The following CSGALNACT1 variants were observed in gnomAD, a reference collection of about 807,000 sequenced individuals.
CSGALNACT1 encodes chondroitin sulfate N-acetylgalactosaminyltransferase 1.
A neutral mutation model predicts 51.0 loss-of-function variants in CSGALNACT1; 52 were observed. That is an observed-to-expected ratio of 1.02 (90% confidence interval 0.82 to 1.29). CSGALNACT1 has a LOEUF of 1.29. CSGALNACT1 is among the 50% of genes most tolerant of loss of function. The pLI is 0.00. For missense variants in CSGALNACT1, 935 were observed against 679.2 expected (o/e 1.38, Z -4.19); for synonymous variants, 341 against 254.4 (o/e 1.34, Z -3.24).
At chr8:19,612,695 G>C (rs1185729305) in intron 1 of CSGALNACT1, among the ~76,000 whole-genome samples, 1 of 151,948 alleles carries the variant, frequency 6.6e-6, no homozygotes, top group African/African-American at 2.4e-5. Flanking sequence ...CATCTGAGAT[G>C]ATCCAAAGTC....
chr8:19,434,503 C>T (rs921063927), intron 6 of CSGALNACT1, among the ~76,000 whole-genome samples: 4 of 152,174 alleles, frequency 2.6e-5, no homozygotes, highest in African/African-American at 9.7e-5. Flanking sequence ...GCAAGATACT[C>T]TCCTGGTTCA....
At chr8:19,744,762 G>A (rs528492696) in intron 1 of CSGALNACT1, among the ~76,000 whole-genome samples, 100 of 152,226 alleles carry the variant, frequency 6.6e-4, no homozygotes, top group African/African-American at 2.3e-3. Context: ...GTCTATTCAC[G>A]AACACAGTTT....
At chr8:19,628,333 G>A (rs1337503077) in intron 1 of CSGALNACT1, among the ~76,000 whole-genome samples, 1 of 152,168 alleles carries the variant, frequency 6.6e-6, no homozygotes, top group Non-Finnish European at 1.5e-5. Context: ...AGGCTCAAGG[G>A]AAACTGCCAC....
chr8:19,407,202 C>A (rs893885659), intron 9 of CSGALNACT1, among the ~76,000 whole-genome samples: 2 of 151,130 alleles, frequency 1.3e-5, no homozygotes, highest in African/African-American at 4.9e-5. Context: ...TTTTTTAAAT[C>A]TTTAACCTGG....
Position 19,513,436 on chromosome 8 carries a change from C to CTCTCTCTCTATA in CSGALNACT1, c.-296-7307_-296-7306insTATAGAGAGAGA. On this transcript the variant is annotated intron_variant, in intron 3 of 9. Coordinates refer to ENST00000454498, the Ensembl canonical transcript of CSGALNACT1. Reference sequence around the variant, plus strand: ...TCTCACTCTCTCTCTCTCTCTCTCTCTATATATATATATATATATATATAT... The same window carrying CTCTCTCTCTATA: ...TCTCACTCTCTCTCTCTCTCTCTCTCTCTCTCTCTATATATATATATATATATATATATATAT... Among the ~76,000 whole-genome samples the CTCTCTCTCTATA allele has an allele frequency of 7.1e-3, 585 of 81,878 alleles. 7 individuals are homozygous for CTCTCTCTCTATA. The highest frequency in any genetic ancestry group is 0.012 in the East Asian group (15 of 1,266). The allele number at this position is 81,878 out of a possible 152,430, so 53.7% of individuals were successfully genotyped here.
At chr8:19,697,253 C>A (rs2061632004) in intron 1 of CSGALNACT1, among the ~76,000 whole-genome samples, 1 of 151,972 alleles carries the variant, frequency 6.6e-6, no homozygotes, top group African/African-American at 2.4e-5. Flanking sequence ...GAGGCAAGCA[C>A]TTGGGAGCCA....
At chr8:19,425,310 T>C (rs2058606434) in intron 6 of CSGALNACT1, among the ~76,000 whole-genome samples, 1 of 152,196 alleles carries the variant, frequency 6.6e-6, no homozygotes. Flanking sequence ...CATTGTGCTC[T>C]AACTTGGGCA....
At chr8:19,704,152 T>C (rs2062030731) in intron 1 of CSGALNACT1, among the ~76,000 whole-genome samples, 1 of 152,220 alleles carries the variant, frequency 6.6e-6, no homozygotes, top group African/African-American at 2.4e-5. Flanking sequence ...CTTATTCTCT[T>C]CTCTCCCTCC....
At chr8:19,505,075 C>T (rs1278224540) in intron 4 of CSGALNACT1, 126 bp downstream of exon 3, 6 of 976,994 alleles carry the variant, frequency 6.1e-6, no homozygotes, top group Admixed American at 5.3e-5. Flanking sequence ...TGGTGTCACA[C>T]ACATAAAACT....
chr8:19,554,473 T>G (rs1008798906), intron 3 of CSGALNACT1, among the ~76,000 whole-genome samples: 5 of 85,392 alleles, frequency 5.9e-5, no homozygotes, highest in African/African-American at 2.6e-4. Context: ...TGAAGGAAGA[T>G]ATAAAATAGA....
intron 6 of CSGALNACT1, among the ~76,000 whole-genome samples, chr8:19,436,015 C>T (rs903096254): frequency 6.6e-6 from 1 of 152,140 alleles, no homozygotes; most frequent in African/African-American, 2.4e-5. Flanking sequence ...GCCACAAAAT[C>T]GATTTCACAA....
chr8:19,453,981 T>G (rs149060984), intron 5 of CSGALNACT1, among the ~76,000 whole-genome samples: 30 of 152,162 alleles, frequency 2.0e-4, no homozygotes, highest in African/African-American at 5.3e-4. Context: ...ATATCCTGAT[T>G]AAGTGAATGT....
intron 1 of CSGALNACT1, among the ~76,000 whole-genome samples, chr8:19,654,503 C>T (rs2058091561): frequency 6.6e-6 from 1 of 152,052 alleles, no homozygotes; most frequent in South Asian, 2.1e-4. Context: ...CTTGGTTTCC[C>T]CATGTTTAAA....
At chr8:19,639,378 C>T (rs1200654954) in intron 1 of CSGALNACT1, among the ~76,000 whole-genome samples, 1 of 152,178 alleles carries the variant, frequency 6.6e-6, no homozygotes, top group Non-Finnish European at 1.5e-5. Flanking sequence ...GAGAATTTTG[C>T]TCCCAATTTT....
intron 3 of CSGALNACT1, among the ~76,000 whole-genome samples, chr8:19,554,455 C>G (rs889984441): frequency 9.5e-6 from 1 of 104,808 alleles, no homozygotes; most frequent in Non-Finnish European, 1.9e-5. Flanking sequence ...GATGCCACCT[C>G]TGGGTAATGA....
Position 19,667,053 on chromosome 8 carries a change from A to G in CSGALNACT1, c.-544+15420T>C, listed in dbSNP as rs1166291729. Among the ~76,000 whole-genome samples the G allele has an allele frequency of 3.3e-4, 38 of 115,128 alleles. 6 individuals are homozygous for G. The highest frequency in any genetic ancestry group is 9.7e-4 in the East Asian group (3 of 3,078). The allele number at this position is 115,128 out of a possible 152,430, so 75.5% of individuals were successfully genotyped here. A position where few individuals can be genotyped will look rare whatever the true frequency, so the allele number is the denominator to read the frequency against. ...GAAGGAAGGAAGGAAGAAAGAAAGA[A>G]AGAAAGAAAGAAAGAAAGAAAGAAA... On this transcript the variant is annotated intron_variant, in intron 1 of 9. Transcript: ENST00000332246.
At chr8:19,731,955 A>G (rs1359385820) in intron 1 of CSGALNACT1, among the ~76,000 whole-genome samples, 1 of 152,214 alleles carries the variant, frequency 6.6e-6, no homozygotes, top group Admixed American at 6.5e-5. Context: ...TCAATTATGT[A>G]TGGCATTAGA....
chr8:19,437,815 A>G (rs2060626210), intron 6 of CSGALNACT1, among the ~76,000 whole-genome samples: 1 of 152,158 alleles, frequency 6.6e-6, no homozygotes, highest in Admixed American at 6.5e-5. Flanking sequence ...TAGATTGATG[A>G]CTAGATGTTT....
intron 3 of CSGALNACT1, among the ~76,000 whole-genome samples, chr8:19,529,774 GC>G (rs531136473): frequency 5.9e-5 from 9 of 152,238 alleles, no homozygotes; most frequent in African/African-American, 1.9e-4. Context: ...GCAAAATGGT[GC>G]AGTACTTGTG....
Sources: gnomAD v4.1 joint callset for allele counts (sites outside exome capture counted in the v4.1 genomes callset) on GRCh38, gnomAD v4.1.1 for gene constraint, MANE v1.5 for transcripts, NCBI Gene and HGNC (gene_info 2026-07-23, HGNC 2026-07-21) for gene names.